The following BORCS5 variants were observed in gnomAD, a reference collection of about 807,000 sequenced individuals.
BORCS5 encodes the protein BLOC-1-related complex subunit 5.
Under a neutral mutation model 22.1 loss-of-function variants are expected in BORCS5, and 17 were observed. The ratio of observed to expected loss-of-function variants is 0.77; its 90% confidence interval spans 0.53 to 1.15. BORCS5 has a LOEUF of 1.15. BORCS5 is among the 50% of genes most tolerant of loss of function. The pLI is 0.00. For synonymous variants in BORCS5, 117 were observed against 99.8 expected (o/e 1.17, Z -1.03); for missense variants, 247 against 253.2 (o/e 0.98, Z 0.17).
At chr12:12,416,630 A>T (rs1374440618) in intron 2 of BORCS5, among the ~76,000 whole-genome samples, 1 of 151,360 alleles carries the variant, frequency 6.6e-6, no homozygotes, top group Non-Finnish European at 1.5e-5. Context: ...TTATTTATTT[A>T]CTTATTTTTT....
At chr12:12,374,404 G>T (rs1863601239) in intron 2 of BORCS5, among the ~76,000 whole-genome samples, 1 of 151,886 alleles carries the variant, frequency 6.6e-6, no homozygotes, top group South Asian at 2.1e-4. Context: ...AGGCCGAGGT[G>T]GGAGGATTAC....
At chr12:12,387,891 A>G (rs1863916900) in intron 2 of BORCS5, among the ~76,000 whole-genome samples, 1 of 151,324 alleles carries the variant, frequency 6.6e-6, no homozygotes, top group African/African-American at 2.4e-5. Flanking sequence ...CGATTAACAC[A>G]CCATGAGGGG....
At chr12:12,457,751 G>C (rs1002345409) in intron 3 of BORCS5, among the ~76,000 whole-genome samples, 11 of 152,346 alleles carry the variant, frequency 7.2e-5, no homozygotes, top group African/African-American at 2.6e-4. Context: ...TGCCCACAGA[G>C]GAGGTAAAAG....
At chr12:12,414,232 A>G (rs1592102067) in intron 2 of BORCS5, among the ~76,000 whole-genome samples, 2 of 67,220 alleles carry the variant, frequency 3.0e-5, no homozygotes, top group East Asian at 4.6e-4. Context: ...TCCCTCCCGG[A>G]CGGGGCGGCT....
intron 3 of BORCS5, among the ~76,000 whole-genome samples, chr12:12,446,570 A>G (rs1942795462): frequency 6.6e-6 from 1 of 152,210 alleles, no homozygotes; most frequent in Non-Finnish European, 1.5e-5. Flanking sequence ...TTGCAGATCT[A>G]TACTCCTTTT....
chr12:12,357,702 C>T (rs1863176619), intron 1 of BORCS5, among the ~76,000 whole-genome samples, 193 bp downstream of exon 1: 1 of 152,162 alleles, frequency 6.6e-6, no homozygotes. Flanking sequence ...TGACTGCAAG[C>T]TAAGCCAGCG....
intron 2 of BORCS5, among the ~76,000 whole-genome samples, chr12:12,416,029 C>G (rs1038207218): frequency 6.6e-6 from 1 of 152,112 alleles, no homozygotes; most frequent in Non-Finnish European, 1.5e-5. Context: ...TTCAGAGTTT[C>G]TATGTGGCTT....
At chr12:12,408,571 C>T (rs1441286295) in intron 2 of BORCS5, among the ~76,000 whole-genome samples, 3 of 152,188 alleles carry the variant, frequency 2.0e-5, no homozygotes, top group Non-Finnish European at 4.4e-5. Context: ...CTCTTCCTCC[C>T]AGCCCTGGTA....
intron 2 of BORCS5, among the ~76,000 whole-genome samples, chr12:12,415,890 A>G (rs953391361): frequency 8.5e-5 from 13 of 152,134 alleles, no homozygotes; most frequent in African/African-American, 2.2e-4. Context: ...GGGAAAGTCT[A>G]AAAAGGGTTT....
intron 3 of BORCS5, among the ~76,000 whole-genome samples, chr12:12,444,602 A>T (rs144278495): frequency 7.8e-4 from 119 of 152,320 alleles, no homozygotes; most frequent in Middle Eastern, 3.4e-3. Flanking sequence ...AATTTTGAAC[A>T]TCTGTGTCAT....
chr12:12,457,095 G>A (rs558111037), intron 3 of BORCS5, among the ~76,000 whole-genome samples: 2 of 152,228 alleles, frequency 1.3e-5, no homozygotes, highest in East Asian at 1.9e-4. Flanking sequence ...TTCTGTTTCA[G>A]TTCACATATA....
intron 2 of BORCS5, among the ~76,000 whole-genome samples, chr12:12,428,222 G>A (rs1942336891): frequency 6.6e-6 from 1 of 152,190 alleles, no homozygotes; most frequent in South Asian, 2.1e-4. Flanking sequence ...TCTGCACTGT[G>A]CTATAGAGAA....
intron 2 of BORCS5, among the ~76,000 whole-genome samples, chr12:12,368,054 A>T (rs1413977465): frequency 1.3e-5 from 2 of 152,158 alleles, no homozygotes; most frequent in Non-Finnish European, 2.9e-5. Flanking sequence ...TGCTTCCTTG[A>T]TACCTCTGCC....
intron 2 of BORCS5, among the ~76,000 whole-genome samples, chr12:12,421,121 T>G (rs1942111374): frequency 6.6e-6 from 1 of 152,200 alleles, no homozygotes; most frequent in African/African-American, 2.4e-5. Flanking sequence ...CATTCTTGTC[T>G]TGTGCCGATT....
At chr12:12,414,729 C>G (rs1422996331) in intron 2 of BORCS5, among the ~76,000 whole-genome samples, 1 of 132,590 alleles carries the variant, frequency 7.5e-6, no homozygotes, top group Non-Finnish European at 1.6e-5. Context: ...GGCTGCCGGG[C>G]GGAGACGCTC....
intron 3 of BORCS5, among the ~76,000 whole-genome samples, chr12:12,450,421 ATTTAAG>A (rs1243808679): frequency 6.6e-5 from 10 of 152,320 alleles, no homozygotes; most frequent in African/African-American, 1.9e-4. Context: ...TGAAAATGTC[ATTTAAG>A]TTTATCTGCT....
chr12:12,362,636 CTTTTTTT>C lies in BORCS5; in HGVS notation c.202+1307_202+1313del, dbSNP rs71436712. On this transcript the variant is annotated intron_variant, in intron 2 of 3. Transcript: ENST00000314565. ...CAACACATTATATCATGTTACTCAT[CTTTTTTT>C]TTTTTTTTTTTTTTTTTTTAGAGTT... is the stretch of plus-strand genomic sequence containing the variant. Among the ~76,000 whole-genome samples, 46 of 57,588 alleles carry C rather than the reference CTTTTTTT, an allele frequency of 8.0e-4. 1 individual carries two copies. The highest frequency in any genetic ancestry group is 1.4e-3 in the Non-Finnish European group (42 of 29,480). The allele number at this position is 57,588 out of a possible 152,430, so 37.8% of individuals were successfully genotyped here.
At chr12:12,360,564 G>GA (rs1455514447) in intron 1 of BORCS5, among the ~76,000 whole-genome samples, 6 of 117,750 alleles carry the variant, frequency 5.1e-5, no homozygotes, top group African/African-American at 1.9e-4. Flanking sequence ...CTAATTAAAA[G>GA]AAATTTTTTT....
At chr12:12,414,632 G>A (rs1234353258) in intron 2 of BORCS5, among the ~76,000 whole-genome samples, 6 of 105,750 alleles carry the variant, frequency 5.7e-5, no homozygotes, top group East Asian at 4.5e-4. Flanking sequence ...CAGTAGGGGC[G>A]GCCGGGCAGA....
Sources: allele counts gnomAD v4.1 joint callset (sites outside exome capture counted in the v4.1 genomes callset), GRCh38; gene constraint gnomAD v4.1.1; transcripts MANE v1.5; gene names NCBI Gene and HGNC (gene_info 2026-07-23, HGNC 2026-07-21).